UBE2D2: variants seen among roughly 807,000 people sequenced by gnomAD.
The protein encoded by UBE2D2 is ubiquitin-conjugating enzyme E2 D2.
In UBE2D2, 2 loss-of-function variants were observed where a neutral mutation model predicts 24.2. That is an observed-to-expected ratio of 0.08 (90% CI 0.03 to 0.26). The LOEUF (loss-of-function observed/expected upper bound fraction) is 0.26. Among genes scored for constraint, UBE2D2 ranks in the 10% least tolerant of loss-of-function variants. The pLI is 1.00. For synonymous variants in UBE2D2, 58 were observed against 56.5 expected, an observed-to-expected ratio of 1.03 and a Z score of -0.12; for missense variants, 44 against 177.6, an observed-to-expected ratio of 0.25 and a Z score of 4.28.
At chr5:139,549,731 T>C (rs966160061) in intron 1 of UBE2D2, among the ~76,000 whole-genome samples, 3 of 152,216 alleles carry the variant, frequency 2.0e-5, no homozygotes, top group Non-Finnish European at 4.4e-5. Context: ...GGAGTGCAGC[T>C]GCGCAGAGCG....
chr5:139,622,502 C>CA (rs1754531049), intron 5 of UBE2D2, among the ~76,000 whole-genome samples: 1 of 151,318 alleles, frequency 6.6e-6, no homozygotes, highest in Non-Finnish European at 1.5e-5. Flanking sequence ...CTCCGCCTCC[C>CA]AAAGTGCTGG....
intron 2 of UBE2D2, among the ~76,000 whole-genome samples, chr5:139,602,014 T>G (rs1754090363): frequency 6.6e-6 from 1 of 152,102 alleles, no homozygotes; most frequent in African/African-American, 2.4e-5. Flanking sequence ...CCAAAATGAG[T>G]ACATGGTTAA....
intron 2 of UBE2D2, among the ~76,000 whole-genome samples, chr5:139,602,061 T>TGTTG (rs1448382642): frequency 5.9e-5 from 9 of 152,218 alleles, no homozygotes; most frequent in Non-Finnish European, 5.9e-5. Context: ...TTTGTTTGTT[T>TGTTG]TGTTTTTTAA....
intron 1 of UBE2D2, among the ~76,000 whole-genome samples, chr5:139,537,200 A>T (rs1752695605): frequency 6.6e-6 from 1 of 151,304 alleles, no homozygotes. Context: ...AAAAAAAAAC[A>T]ACAAAAAGTA....
rs543269931 is a variant in UBE2D2, at chr5:139,541,614, A to G, written c.-64+15002A>G. 2.0e-5 allele frequency among the ~76,000 whole-genome samples: 3 copies of G among 151,516 alleles called. No homozygotes were observed. In the East Asian group the frequency reaches 5.8e-4, roughly 29 times the overall value. On this transcript the variant is annotated intron_variant, in intron 1 of 6. Transcript: ENST00000511725. ...GACTCCATTTCAAAAAAAAAAAAAAAAAAAAAAGGTACACATAGGGCTCAA... is the reference window on the plus strand; with the variant it reads ...GACTCCATTTCAAAAAAAAAAAAAAGAAAAAAAGGTACACATAGGGCTCAA...
intron 1 of UBE2D2, among the ~76,000 whole-genome samples, chr5:139,581,709 C>T (rs1392989968): frequency 6.6e-6 from 1 of 152,086 alleles, no homozygotes; most frequent in Non-Finnish European, 1.5e-5. Flanking sequence ...CGATCCGTCA[C>T]CCACGCTGGA....
intron 1 of UBE2D2, among the ~76,000 whole-genome samples, chr5:139,540,444 G>A (rs1353185682): frequency 6.6e-6 from 1 of 151,468 alleles, no homozygotes; most frequent in Non-Finnish European, 1.5e-5. Flanking sequence ...TACTCGGGAG[G>A]CTGAGGCAGG....
intron 2 of UBE2D2, 58 bp downstream of exon 2, chr5:139,600,493 G>T: frequency 6.4e-7 from 1 of 1,573,694 alleles, no homozygotes; most frequent in African/African-American, 1.3e-5. Context: ...TTTGTGTGAA[G>T]AAACAATTAT....
At chr5:139,551,069 AG>A (rs1444909398) in intron 1 of UBE2D2, among the ~76,000 whole-genome samples, 2 of 151,666 alleles carry the variant, frequency 1.3e-5, no homozygotes, top group Admixed American at 1.3e-4. Flanking sequence ...CCGGCGGGGG[AG>A]GGGGGAGGTC....
intron 1 of UBE2D2, among the ~76,000 whole-genome samples, chr5:139,593,379 T>C (rs1362456332): frequency 6.6e-6 from 1 of 152,184 alleles, no homozygotes. Flanking sequence ...ACTCAAGTCC[T>C]TACCCTTGGG....
At chr5:139,532,528 T>G (rs546048279) in intron 1 of UBE2D2, among the ~76,000 whole-genome samples, 1 of 152,184 alleles carries the variant, frequency 6.6e-6, no homozygotes, top group Admixed American at 6.5e-5. Flanking sequence ...ATTTTTTGTA[T>G]TTTTAGTGGA....
intron 1 of UBE2D2, among the ~76,000 whole-genome samples, chr5:139,528,491 T>C (rs1752564831): frequency 6.6e-6 from 1 of 152,162 alleles, no homozygotes; most frequent in South Asian, 2.1e-4. Context: ...GTGGCCTATC[T>C]CTCAAAACAA....
At chr5:139,624,177 G>A (rs1406950644) in intron 6 of UBE2D2, among the ~76,000 whole-genome samples, 1 of 152,148 alleles carries the variant, frequency 6.6e-6, no homozygotes, top group Non-Finnish European at 1.5e-5. Flanking sequence ...GCCATTAGAC[G>A]TGAAAGCCCC....
intron 1 of UBE2D2, chr5:139,562,261 C>G: frequency 2.2e-6 from 3 of 1,359,850 alleles, no homozygotes; most frequent in Non-Finnish European, 1.9e-6. Flanking sequence ...CACAAAACCG[C>G]CTGAGCTCGG....
intron 5 of UBE2D2, among the ~76,000 whole-genome samples, chr5:139,621,060 C>T (rs1439811844): frequency 6.6e-6 from 1 of 152,162 alleles, no homozygotes; most frequent in East Asian, 1.9e-4. Flanking sequence ...GCCTGGCCAA[C>T]ATGGCAAAAC....
intron 1 of UBE2D2, among the ~76,000 whole-genome samples, chr5:139,592,895 G>T (rs766306294): frequency 6.8e-6 from 1 of 146,814 alleles, no homozygotes; most frequent in Middle Eastern, 3.8e-3. Flanking sequence ...GAGCCACCAC[G>T]CTTGGCTGCA....
At chr5:139,546,964 G>A (rs1206279728) in intron 1 of UBE2D2, among the ~76,000 whole-genome samples, 1 of 150,080 alleles carries the variant, frequency 6.7e-6, no homozygotes, top group Non-Finnish European at 1.5e-5. Flanking sequence ...CGTCATCTTG[G>A]CTCACTGCAA....
At chr5:139,534,507 A>G (rs1055677728) in intron 1 of UBE2D2, among the ~76,000 whole-genome samples, 7 of 150,544 alleles carry the variant, frequency 4.6e-5, no homozygotes, top group African/African-American at 9.8e-5. Flanking sequence ...CGGAGCTTGC[A>G]GTGAGCCGAG....
At chr5:139,584,334 G>A (rs1189251086) in intron 1 of UBE2D2, among the ~76,000 whole-genome samples, 1 of 151,914 alleles carries the variant, frequency 6.6e-6, no homozygotes, top group African/African-American at 2.4e-5. Flanking sequence ...ATACCATCTC[G>A]GTTTGTGTAA....
Sources: allele counts gnomAD v4.1 joint callset (sites outside exome capture counted in the v4.1 genomes callset), GRCh38; gene constraint gnomAD v4.1.1; transcripts MANE v1.5; gene names NCBI Gene and HGNC (gene_info 2026-07-23, HGNC 2026-07-21).